TCOF1: variants seen among roughly 807,000 people sequenced by gnomAD.
The protein encoded by TCOF1 is treacle protein.
Under a neutral mutation model 149.0 loss-of-function variants are expected in TCOF1, and 33 were observed. The ratio of observed to expected loss-of-function variants is 0.22; its 90% CI spans 0.17 to 0.30. TCOF1 has a LOEUF of 0.30. Ranked by LOEUF, TCOF1 falls within the 10% of genes least tolerant of loss-of-function variation. The pLI is 1.00. For synonymous variants in TCOF1, 789 were observed against 738.8 expected (o/e 1.07, Z -1.10); for missense variants, 1,728 against 1,840.7 (o/e 0.94, Z 1.12).
chr5:150,378,007 T>C (rs998788645), intron 14 of TCOF1, among the ~76,000 whole-genome samples: 25 of 152,254 alleles, frequency 1.6e-4, no homozygotes, highest in African/African-American at 6.0e-4. Flanking sequence ...TCTTGTGTCT[T>C]GTTTCTTGTG....
intron 4 of TCOF1, 23 bp downstream of exon 4, chr5:150,367,940 C>T (rs543004919): frequency 1.1e-4 from 179 of 1,613,594 alleles, no homozygotes; most frequent in South Asian, 7.6e-4. Flanking sequence ...GCCTTCCAAG[C>T]TATTGCCTAT....
intron 19 of TCOF1, 148 bp downstream of exon 19, chr5:150,390,171 C>T (rs533738186): frequency 1.6e-6 from 2 of 1,280,980 alleles, no homozygotes; most frequent in African/African-American, 1.5e-5. Context: ...GCTTTCTGGC[C>T]TCCTAGCTAC....
intron 7 of TCOF1, among the ~76,000 whole-genome samples, chr5:150,372,755 A>G (rs1762832186): frequency 6.6e-6 from 1 of 152,248 alleles, no homozygotes; most frequent in South Asian, 2.1e-4. Flanking sequence ...CATGCAGTAG[A>G]TAAGCAGATC....
At chr5:150,368,600 A>G in intron 4 of TCOF1, 116 bp from the exon 5 acceptor site, 2 of 1,169,708 alleles carry the variant, frequency 1.7e-6, no homozygotes, top group Admixed American at 1.8e-5. Flanking sequence ...TTGAAGGGGT[A>G]GTTTACCCAA....
At chr5:150,364,374 G>A (rs1026835870) in intron 3 of TCOF1, 122 bp downstream of exon 3, 1 of 1,406,372 alleles carries the variant, frequency 7.1e-7, no homozygotes, top group Admixed American at 2.1e-5. Flanking sequence ...GAGATTGGGA[G>A]GGCACCACAT....
At chr5:150,369,660 C>A in intron 6 of TCOF1, 58 bp downstream of exon 6, 1 of 1,587,980 alleles carries the variant, frequency 6.3e-7, no homozygotes, top group Non-Finnish European at 8.6e-7. Context: ...CTTCCAGGAA[C>A]CTGTCTGGGG....
chr5:150,384,477 C>T (rs1184343115), intron 17 of TCOF1: 3 of 985,366 alleles, frequency 3.0e-6, no homozygotes, highest in East Asian at 1.1e-4. Flanking sequence ...CCGACACTCT[C>T]CTCTCCTGGG....
intron 7 of TCOF1, among the ~76,000 whole-genome samples, chr5:150,373,426 G>T (rs928725356): frequency 1.3e-5 from 2 of 152,216 alleles, no homozygotes; most frequent in African/African-American, 4.8e-5. Context: ...GACCTGTGTG[G>T]AGCAGCCTGC....
chr5:150,362,808 C>T (rs1429129853), intron 2 of TCOF1, among the ~76,000 whole-genome samples: 1 of 152,136 alleles, frequency 6.6e-6, no homozygotes, highest in Non-Finnish European at 1.5e-5. Context: ...GTAGTACTTC[C>T]TTCCCCCAAA....
chr5:150,385,096 T>G (rs377311035), intron 17 of TCOF1: 2 of 984,254 alleles, frequency 2.0e-6, no homozygotes, highest in African/African-American at 3.5e-5. Flanking sequence ...TAACTTAATT[T>G]AGCTATTCCA....
rs756579089 is a variant in TCOF1 at position 150,391,664 on chromosome 5, T to C, written c.3297+7T>C. ...GACCCAGCCTTCAAGTGGGGTGAGC[T>C]TGGGGAGCCAGGGGAAGCAAGCCCA... On this transcript the variant is annotated splice_region_variant and intron_variant, in intron 20 of 26. Transcript: ENST00000643257. 1.9e-6 allele frequency: 3 copies of C among 1,612,340 alleles called. No homozygotes were observed. Among genetic ancestry groups the C allele is most frequent in the Admixed American group, 3.3e-5 (2 of 59,858 alleles).
chr5:150,382,875 T>TG (rs1245286768), intron 17 of TCOF1, among the ~76,000 whole-genome samples: 8 of 152,044 alleles, frequency 5.3e-5, no homozygotes, highest in African/African-American at 1.7e-4. Flanking sequence ...GCTAGCAGGG[T>TG]GGAAGCATGT....
At chr5:150,388,411 AG>A (rs1417843037) in intron 18 of TCOF1, among the ~76,000 whole-genome samples, 2 of 152,216 alleles carry the variant, frequency 1.3e-5, no homozygotes. Context: ...ACAAGTGGTC[AG>A]GGTGGTAGTG....
chr5:150,385,645 C>G (rs1004463804), intron 17 of TCOF1, among the ~76,000 whole-genome samples: 1 of 152,194 alleles, frequency 6.6e-6, no homozygotes, highest in Non-Finnish European at 1.5e-5. Context: ...CCCCTCTCCC[C>G]ACTCTGTGAC....
intron 14 of TCOF1, among the ~76,000 whole-genome samples, chr5:150,377,975 G>A (rs1041133873): frequency 8.6e-5 from 13 of 152,038 alleles, no homozygotes; most frequent in Non-Finnish European, 2.9e-5. Context: ...TTTGTGTATT[G>A]AGACTTGTTA....
chr5:150,370,975 T>A (rs1274827942), intron 6 of TCOF1, among the ~76,000 whole-genome samples: 1 of 152,184 alleles, frequency 6.6e-6, no homozygotes, highest in African/African-American at 2.4e-5. Context: ...ATGGCCTGAT[T>A]TGCATTTAAT....
rs372191575 is a variant in TCOF1 at position 150,387,925 on chromosome 5, T to G, written c.2883T>G (p.Phe961Leu). The change falls in exon 18 of 27, where the codon TTT becomes TTG. Residue 961 changes from phenylalanine (F) to leucine (L), a missense_variant. Physicochemically the swap from Phe to Leu is conservative, Grantham distance 22 (BLOSUM62 0). This residue lies in a region of TCOF1 where 1,696 missense variants were observed against 1,765.4 expected (regional missense o/e 0.96). Transcript: ENST00000643257. ...SAQVIKPPLI[F>L]VDPNRSPAGP... ...AGGTGATTAAACCCCCTCTGATTTTTGTCGACCCTAATCGTAGTCCAGCTG... is the reference window on the plus strand; with the variant it reads ...AGGTGATTAAACCCCCTCTGATTTTGGTCGACCCTAATCGTAGTCCAGCTG... 2 of 1,613,886 alleles carry G rather than the reference T, an allele frequency of 1.2e-6. No homozygotes were observed. The highest frequency in any genetic ancestry group is 2.7e-5 in the African/African-American group (2 of 74,920).
chr5:150,382,957 C>G, intron 17 of TCOF1: 2 of 905,426 alleles, frequency 2.2e-6, no homozygotes, highest in Middle Eastern at 2.2e-4. Context: ...CACGCTGCCT[C>G]CCCTGGAAAC....
At position 150,375,711 on chromosome 5, in the gene TCOF1, C is replaced by A. The variant is rs1451011910; in HGVS notation, c.1705-10C>A. 3 of 1,614,036 alleles carry A rather than the reference C, an allele frequency of 1.9e-6. No individual in the cohort carries two copies. On this transcript the variant is annotated splice_polypyrimidine_tract_variant and intron_variant, in intron 11 of 26. Coordinates refer to ENST00000643257, the MANE Select transcript of TCOF1 (RefSeq NM_001371623.1). ...GGCTCCCTCTCCCGATCCTGTGTAT[C>A]TCACTCCAGGAAAAGTCCTTGGGGA...
Sources: gnomAD v4.1 joint callset for allele counts (sites outside exome capture counted in the v4.1 genomes callset) on GRCh38, gnomAD v4.1.1 for gene constraint, gnomAD v4.1.1 regional missense constraint, MANE v1.5 for transcripts, NCBI Gene and HGNC (gene_info 2026-07-23, HGNC 2026-07-21) for gene names.